Variants in PUM3 observed in about 807,000 individuals in gnomAD.
The protein encoded by PUM3 is pumilio homolog 3.
A neutral mutation model predicts 84.0 loss-of-function variants in PUM3; 91 were observed. That is an observed-to-expected ratio of 1.08 (90% confidence interval 0.91 to 1.29). PUM3 has a LOEUF of 1.29. Among genes scored for constraint, PUM3 ranks in the 50% most tolerant of loss-of-function variants. The pLI, the probability that PUM3 is intolerant of heterozygous loss-of-function variation, is 0.00. For missense variants in PUM3, 1,067 were observed against 767.5 expected (o/e 1.39, Z -4.61); for synonymous variants, 321 against 266.7 (o/e 1.20, Z -1.98).
chr9:2,829,986 A>G, intron 7 of PUM3, 38 bp from the exon 8 acceptor site: 1 of 1,570,222 alleles, frequency 6.4e-7, no homozygotes, highest in East Asian at 2.3e-5. Flanking sequence ...AAATGATAGA[A>G]GGAGAAAGCT....
At chr9:2,840,406 T>C (rs1323196607) in intron 1 of PUM3, among the ~76,000 whole-genome samples, 1 of 152,166 alleles carries the variant, frequency 6.6e-6, no homozygotes, top group Non-Finnish European at 1.5e-5. Flanking sequence ...GACAAGATGT[T>C]TGGAGAATAT....
Position 2,828,040 on chromosome 9 carries a change from A to AT in PUM3, c.956+634dup, listed in dbSNP as rs200697939. ...TCCAAGTCTTACAATCCATTTTTTA[A>AT]TTTTTTTTTATTTTTTTAAAGCAAG... On this transcript the variant is annotated intron_variant, in intron 9 of 17. Transcript: ENST00000397885. Among the ~76,000 whole-genome samples, 593 of 151,548 alleles carry AT rather than the reference A, an allele frequency of 3.9e-3. 5 individuals carry two copies. The highest frequency in any genetic ancestry group is 0.013 in the African/African-American group (542 of 41,302).
At chr9:2,811,690 CTATTA>C (rs1408866354) in intron 14 of PUM3, 107 bp from the exon 15 acceptor site, 1 of 701,132 alleles carries the variant, frequency 1.4e-6, no homozygotes, top group African/African-American at 1.8e-5. Context: ...GTATCGCACT[CTATTA>C]TTATTGTCTA....
Position 2,834,721 on chromosome 9 carries a change from G to T in PUM3, c.305-555C>A, listed in dbSNP as rs571375156. ...TATCTGAGGCCACACAACCTGCAATGGTAGAATTAGGACTCAAACCTAGAA... is the reference window on the plus strand; with the variant it reads ...TATCTGAGGCCACACAACCTGCAATTGTAGAATTAGGACTCAAACCTAGAA... On this transcript the variant is annotated intron_variant, in intron 3 of 17. Transcript: ENST00000397885. 6.6e-5 allele frequency among the ~76,000 whole-genome samples: 10 copies of T among 152,232 alleles called. No homozygotes were observed. In the East Asian group the frequency reaches 1.5e-3, roughly 24 times the overall value.
chr9:2,806,472 A>G (rs1184852814), intron 17 of PUM3, among the ~76,000 whole-genome samples: 1 of 146,944 alleles, frequency 6.8e-6, no homozygotes, highest in South Asian at 2.1e-4. Context: ...AACAACATAG[A>G]TTAAGTTGCA....
At chr9:2,821,361 G>A (rs1396103666) in intron 12 of PUM3, among the ~76,000 whole-genome samples, 5 of 148,630 alleles carry the variant, frequency 3.4e-5, no homozygotes, top group East Asian at 2.0e-4. Flanking sequence ...GGAGAATGGC[G>A]TGAACCTGGG....
intron 5 of PUM3, among the ~76,000 whole-genome samples, chr9:2,833,018 A>G (rs1041474874): frequency 6.6e-6 from 1 of 152,236 alleles, no homozygotes; most frequent in African/African-American, 2.4e-5. Context: ...GAAGTTGGCA[A>G]TTGAGAACAT....
At chr9:2,825,872 A>T (rs1189443716) in intron 10 of PUM3, among the ~76,000 whole-genome samples, 1 of 152,216 alleles carries the variant, frequency 6.6e-6, no homozygotes, top group Non-Finnish European at 1.5e-5. Context: ...CCAATTTAAA[A>T]ATGTACATTA....
chr9:2,836,123 T>C (rs1174790533), intron 3 of PUM3, among the ~76,000 whole-genome samples: 1 of 152,096 alleles, frequency 6.6e-6, no homozygotes, highest in African/African-American at 2.4e-5. Context: ...TGGGAAACGA[T>C]GGCATTTCCC....
intron 1 of PUM3, among the ~76,000 whole-genome samples, chr9:2,841,825 C>G (rs1009687771): frequency 2.0e-5 from 3 of 152,230 alleles, no homozygotes; most frequent in East Asian, 3.9e-4. Context: ...TGCATTCCAT[C>G]CCCAGAAATG....
intron 9 of PUM3, 149 bp from the exon 10 acceptor site, chr9:2,827,300 G>A: frequency 7.0e-6 from 4 of 574,058 alleles, no homozygotes; most frequent in Non-Finnish European, 1.2e-5. Context: ...GTATTTTTCA[G>A]AAATACTAAA....
At position 2,835,460 on chromosome 9, in the gene PUM3, G is replaced by C. The variant is rs780382363; in HGVS notation, c.305-1294C>G. ...AATCTGCCTTCACTCAATATGATTAGATTATGTTTGCTCATGAAATTAACA... is the reference window on the plus strand; with the variant it reads ...AATCTGCCTTCACTCAATATGATTACATTATGTTTGCTCATGAAATTAACA... On this transcript the variant is annotated intron_variant, in intron 3 of 17. Coordinates refer to ENST00000397885, the MANE Select transcript of PUM3 (RefSeq NM_014878.5). Among the ~76,000 whole-genome samples, 125 of 152,136 alleles carry C rather than the reference G, an allele frequency of 8.2e-4. 1 individual carries two copies. Among genetic ancestry groups the C allele is most frequent in the Non-Finnish European group, 6.9e-4 (47 of 68,022 alleles).
At chr9:2,809,548 A>C (rs7850317) in intron 16 of PUM3, among the ~76,000 whole-genome samples, 100,080 of 152,016 alleles carry the variant, frequency 0.66, 33,706 homozygotes, top group African/African-American at 0.81. Context: ...ACTGATTGCC[A>C]CACTAGCCAT....
chr9:2,806,731 G>C (rs1023443545), intron 17 of PUM3, among the ~76,000 whole-genome samples: 1 of 152,148 alleles, frequency 6.6e-6, no homozygotes, highest in East Asian at 1.9e-4. Flanking sequence ...AGAGGCCATA[G>C]CTCATCACTG....
At chr9:2,807,229 G>C (rs1027260607) in intron 17 of PUM3, among the ~76,000 whole-genome samples, 2 of 149,718 alleles carry the variant, frequency 1.3e-5, no homozygotes, top group Non-Finnish European at 3.0e-5. Flanking sequence ...ATTATGTTTT[G>C]GTCAAAACCA....
At chr9:2,821,443 C>CAAAAAAAAAAAAAAAAAAAAAAAAAAAA (rs572752267) in intron 12 of PUM3, among the ~76,000 whole-genome samples, 18 of 50,122 alleles carry the variant, frequency 3.6e-4, no homozygotes, top group East Asian at 1.1e-3. Context: ...GACTCTGTCT[C>CAAAAAAAAAAAAAAAAAAAAAAAAAAAA]AAAAAAAAAA....
Position 2,827,077 on chromosome 9 carries a change from C to A in PUM3, c.1031G>T (p.Arg344Ile), listed in dbSNP as rs747675244. 1 of 1,605,972 alleles carries A rather than the reference C, an allele frequency of 6.2e-7. No homozygotes were observed. Among genetic ancestry groups the A allele is most frequent in the Non-Finnish European group, 8.5e-7 (1 of 1,176,986 alleles). ...AAACAAAAACCAAGAACTTACTGAT[C>A]TGAGTTTGGGGGGTGCATAGGTAAA... ...DFFTYAPPKL[R>I]SEMIEAIREA... The change falls in exon 10 of 18, where the codon AGA (arginine) becomes ATA (isoleucine). Residue 344 changes from arginine to isoleucine, a missense_variant. Coordinates refer to ENST00000397885, the MANE Select transcript of PUM3 (RefSeq NM_014878.5).
At position 2,834,076 on chromosome 9, in the gene PUM3, T is replaced by C. The variant is rs370230841; in HGVS notation, c.395A>G (p.Tyr132Cys). The C allele has an allele frequency of 5.0e-6, 8 of 1,613,848 alleles. No individual in the cohort carries two copies. Among genetic ancestry groups the C allele is most frequent in the African/African-American group, 1.3e-5 (1 of 75,038 alleles). ...QSRQLSDKTNYDIVVRAKQMW... is the reference protein window; with the variant it reads ...QSRQLSDKTNCDIVVRAKQMW... ...CTGCTTTGCCCGAACAACAATGTCA[T>C]AGTTGGTTTTATCACTGAGTTGTCT... is the stretch of plus-strand genomic sequence containing the variant. Residue 132 changes from tyrosine (Y) to cysteine (C), a missense_variant, in exon 4 of 18, where the codon TAT becomes TGT. Transcript: ENST00000397885.
intron 1 of PUM3, among the ~76,000 whole-genome samples, chr9:2,840,039 T>C (rs1181959183): frequency 6.6e-6 from 1 of 152,198 alleles, no homozygotes; most frequent in East Asian, 1.9e-4. Context: ...CCTTTGTATT[T>C]TGTAGAATAT....
Sources: allele counts gnomAD v4.1 joint callset (sites outside exome capture counted in the v4.1 genomes callset), GRCh38; gene constraint gnomAD v4.1.1; transcripts MANE v1.5; gene names NCBI Gene and HGNC (gene_info 2026-07-23, HGNC 2026-07-21).